ARHGAP15: variants seen among roughly 807,000 people sequenced by gnomAD.
ARHGAP15 encodes the protein rho GTPase-activating protein 15.
In ARHGAP15, 51 loss-of-function variants were observed where a neutral mutation model predicts 63.7. The observed-to-expected ratio is 0.80, with a 90% CI of 0.64 to 1.01. The LOEUF (loss-of-function observed/expected upper bound fraction) is 1.01, where lower values mean the gene tolerates loss of function less well. Among genes scored for constraint, ARHGAP15 ranks in the 50% least tolerant of loss-of-function variants. ARHGAP15 has a pLI of 0.00. For missense variants in ARHGAP15, 560 were observed against 564.6 expected (o/e 0.99, Z 0.08); for synonymous variants, 191 against 193.8 (o/e 0.99, Z 0.12).
chr2:143,185,127 A>G (rs559045797), intron 2 of ARHGAP15, among the ~76,000 whole-genome samples: 1 of 152,346 alleles, frequency 6.6e-6, no homozygotes, highest in East Asian at 1.9e-4. Context: ...TATGTAAAAC[A>G]ATTTTGAAAA....
chr2:143,762,109 T>C (rs1176288898), intron 13 of ARHGAP15, among the ~76,000 whole-genome samples: 1 of 152,162 alleles, frequency 6.6e-6, no homozygotes, highest in Non-Finnish European at 1.5e-5. Flanking sequence ...TAGTTAAGCA[T>C]TCAGAGGCAC....
chr2:143,283,058 C>CAA (rs1681928592), intron 6 of ARHGAP15, among the ~76,000 whole-genome samples: 1 of 152,166 alleles, frequency 6.6e-6, no homozygotes, highest in African/African-American at 2.4e-5. Flanking sequence ...TGATGACTTT[C>CAA]TATGCCCAAA....
chr2:143,218,354 C>T (rs1469589644), intron 4 of ARHGAP15, among the ~76,000 whole-genome samples: 11 of 123,506 alleles, frequency 8.9e-5, no homozygotes, highest in South Asian at 5.1e-4. Flanking sequence ...TTATATCCTT[C>T]GGTTTGTGGC....
intron 12 of ARHGAP15, among the ~76,000 whole-genome samples, chr2:143,680,659 A>G (rs1372528566): frequency 6.6e-6 from 1 of 152,208 alleles, no homozygotes; most frequent in Non-Finnish European, 1.5e-5. Context: ...GCTGAAAAAG[A>G]GAAGGTGGTT....
intron 11 of ARHGAP15, among the ~76,000 whole-genome samples, chr2:143,599,050 A>AT (rs1697649678): frequency 6.6e-6 from 1 of 152,088 alleles, no homozygotes; most frequent in Admixed American, 6.6e-5. Flanking sequence ...AAGGGAGAGT[A>AT]GGGGTACATT....
At chr2:143,519,025 A>G in intron 9 of ARHGAP15, 1 of 337,898 alleles carries the variant, frequency 3.0e-6, no homozygotes, top group African/African-American at 2.2e-5. Context: ...TAACTTACAT[A>G]GTCATCCCTG....
At chr2:143,436,762 A>G (rs1689628886) in intron 7 of ARHGAP15, 151 bp from the exon 8 acceptor site, 5 of 666,582 alleles carry the variant, frequency 7.5e-6, no homozygotes, top group Non-Finnish European at 1.0e-5. Flanking sequence ...ATAAACTATT[A>G]TTAGAGTATT....
At chr2:143,166,497 C>A (rs1690541299) in intron 2 of ARHGAP15, among the ~76,000 whole-genome samples, 1 of 152,012 alleles carries the variant, frequency 6.6e-6, no homozygotes, top group Non-Finnish European at 1.5e-5. Flanking sequence ...TTTCTCTGTC[C>A]TCTAGGAGGT....
intron 12 of ARHGAP15, among the ~76,000 whole-genome samples, chr2:143,644,194 T>C (rs905787540): frequency 5.9e-5 from 9 of 152,044 alleles, no homozygotes; most frequent in Admixed American, 6.6e-5. Context: ...CGAACAGCCA[T>C]GTAGAAATGT....
intron 6 of ARHGAP15, among the ~76,000 whole-genome samples, chr2:143,415,241 A>G (rs765244539): frequency 6.6e-6 from 1 of 152,162 alleles, no homozygotes; most frequent in East Asian, 1.9e-4. Flanking sequence ...TGAATACCTG[A>G]TTTTAGAGAA....
intron 8 of ARHGAP15, among the ~76,000 whole-genome samples, chr2:143,483,392 T>A (rs1029866127): frequency 6.6e-6 from 1 of 152,202 alleles, no homozygotes; most frequent in African/African-American, 2.4e-5. Flanking sequence ...AAAAAAAATA[T>A]ACCGTGCTTG....
At chr2:143,327,930 T>G (rs987347977) in intron 6 of ARHGAP15, among the ~76,000 whole-genome samples, 1 of 147,626 alleles carries the variant, frequency 6.8e-6, no homozygotes, top group Non-Finnish European at 1.5e-5. Context: ...ATCCAAAAAG[T>G]GAGCAAAGGA....
chr2:143,675,251 T>C (rs967592408), intron 12 of ARHGAP15, among the ~76,000 whole-genome samples: 5 of 152,194 alleles, frequency 3.3e-5, no homozygotes, highest in Admixed American at 2.0e-4. Flanking sequence ...TTTAGTTCTC[T>C]TGCTAGTTCC....
intron 11 of ARHGAP15, among the ~76,000 whole-genome samples, chr2:143,587,393 GCT>G (rs1697146712): frequency 6.6e-6 from 1 of 151,984 alleles, no homozygotes; most frequent in Non-Finnish European, 1.5e-5. Flanking sequence ...TAGTGTGGTG[GCT>G]CTCTACTTTT....
intron 6 of ARHGAP15, among the ~76,000 whole-genome samples, chr2:143,329,742 C>T (rs893874552): frequency 6.6e-6 from 1 of 152,010 alleles, no homozygotes; most frequent in African/African-American, 2.4e-5. Flanking sequence ...AAATTATATA[C>T]ACATACACAT....
intron 6 of ARHGAP15, among the ~76,000 whole-genome samples, chr2:143,260,210 T>A (rs1228043752): frequency 6.6e-6 from 1 of 152,178 alleles, no homozygotes; most frequent in Non-Finnish European, 1.5e-5. Context: ...TCGCACTTTT[T>A]GTTGAAAATA....
chr2:143,405,822 TAAAG>T (rs1218886498), intron 6 of ARHGAP15, among the ~76,000 whole-genome samples: 2 of 151,888 alleles, frequency 1.3e-5, no homozygotes, highest in African/African-American at 4.8e-5. Context: ...AATATTGACA[TAAAG>T]AAGTCTGAAG....
At chr2:143,364,214 A>C (rs1574337241) in intron 6 of ARHGAP15, among the ~76,000 whole-genome samples, 3 of 151,150 alleles carry the variant, frequency 2.0e-5, no homozygotes, top group East Asian at 3.9e-4. Flanking sequence ...AAAAAAAAAA[A>C]AAAAACATTC....
intron 11 of ARHGAP15, 83 bp from the exon 12 acceptor site, chr2:143,624,050 T>G: frequency 6.6e-7 from 1 of 1,518,796 alleles, no homozygotes. Context: ...CTGATGATAG[T>G]AGGCAAACAT....
Sources: allele counts gnomAD v4.1 joint callset (sites outside exome capture counted in the v4.1 genomes callset), GRCh38; gene constraint gnomAD v4.1.1; transcripts MANE v1.5; gene names NCBI Gene and HGNC (gene_info 2026-07-23, HGNC 2026-07-21).